Variants in NMNAT2 observed in about 807,000 individuals in gnomAD.
NMNAT2 encodes nicotinamide/nicotinic acid mononucleotide adenylyltransferase 2.
NMNAT2 carries 11 observed loss-of-function variants against 41.6 expected under a neutral mutation model. The ratio of observed to expected loss-of-function variants is 0.26; its 90% CI spans 0.17 to 0.44. The LOEUF (loss-of-function observed/expected upper bound fraction) is 0.44. Among genes scored for constraint, NMNAT2 ranks in the 20% least tolerant of loss-of-function variants. The probability of loss-of-function intolerance (pLI) is 1.00; values close to 1 mark genes in which losing one functional copy is unlikely to be tolerated. For synonymous variants in NMNAT2, 148 were observed against 151.2 expected (o/e 0.98, Z 0.16); for missense variants, 288 against 407.7 (o/e 0.71, Z 2.53).
chr1:183,412,142 G>A (rs74613741), intron 1 of NMNAT2, among the ~76,000 whole-genome samples: 1,827 of 152,338 alleles, frequency 0.012, 14 homozygotes, highest in Non-Finnish European at 0.02. Context: ...ACAGAGATAC[G>A]GAGCTCTGGA....
chr1:183,313,984 C>A (rs1662186528), intron 1 of NMNAT2, among the ~76,000 whole-genome samples: 2 of 152,148 alleles, frequency 1.3e-5, no homozygotes, highest in African/African-American at 4.8e-5. Context: ...AACAGGGTGG[C>A]TTTTGCTGAG....
chr1:183,345,009 TC>T (rs1214263963), intron 1 of NMNAT2, among the ~76,000 whole-genome samples: 3 of 152,146 alleles, frequency 2.0e-5, no homozygotes, highest in Non-Finnish European at 4.4e-5. Context: ...TCATCTCCAA[TC>T]CCAACTGCTC....
rs576392350 is a variant in NMNAT2 at position 183,268,881 on chromosome 1, C to T, written c.652-7578G>A. Among the ~76,000 whole-genome samples the T allele has an allele frequency of 2.0e-5, 3 of 152,212 alleles. No individual in the cohort carries two copies. In the South Asian group the frequency reaches 6.2e-4, roughly 32 times the overall value. On this transcript the variant is annotated intron_variant, in intron 8 of 10. Transcript: ENST00000287713. ...ACATGGTGGTAAGACCTCATCTCTA[C>T]AAAAACAAATTTTATTTTAAATTAG...
chr1:183,254,985 TTG>T (rs1660480554), intron 10 of NMNAT2, among the ~76,000 whole-genome samples: 1 of 152,230 alleles, frequency 6.6e-6, no homozygotes, highest in Admixed American at 6.5e-5. Context: ...CAAGACATAA[TTG>T]CCAAGACCAA....
intron 1 of NMNAT2, among the ~76,000 whole-genome samples, chr1:183,377,514 G>A (rs1469866943): frequency 2.0e-5 from 3 of 152,202 alleles, no homozygotes; most frequent in Middle Eastern, 3.4e-3. Flanking sequence ...ACAAGTTACC[G>A]TTAAAGGAAT....
rs116689313 is a variant in NMNAT2 at position 183,406,071 on chromosome 1, T to A, written c.85+12112A>T. Among the ~76,000 whole-genome samples, 509 of 152,348 alleles carry A rather than the reference T, an allele frequency of 3.3e-3. 4 individuals carry two copies. The highest frequency in any genetic ancestry group is 0.012 in the African/African-American group (488 of 41,560). ...AGTAGCTATAGCTTACCTAACTTGATTCATTTAGAAAAAGAGAGAGACAGT... is the reference window on the plus strand; with the variant it reads ...AGTAGCTATAGCTTACCTAACTTGAATCATTTAGAAAAAGAGAGAGACAGT... On this transcript the variant is annotated intron_variant, in intron 1 of 10. Transcript: ENST00000287713.
chr1:183,389,052 G>A (rs1016639751), intron 1 of NMNAT2, among the ~76,000 whole-genome samples: 6 of 152,148 alleles, frequency 3.9e-5, no homozygotes, highest in East Asian at 1.9e-4. Flanking sequence ...GGAGGAGAGC[G>A]TCAGCCTTAC....
chr1:183,261,624 G>A (rs1208842588), intron 8 of NMNAT2, among the ~76,000 whole-genome samples: 1 of 152,212 alleles, frequency 6.6e-6, no homozygotes, highest in African/African-American at 2.4e-5. Context: ...CAATGCTGCA[G>A]AATCACATGA....
chr1:183,381,129 A>C (rs1663794828), intron 1 of NMNAT2, among the ~76,000 whole-genome samples: 1 of 152,140 alleles, frequency 6.6e-6, no homozygotes, highest in African/African-American at 2.4e-5. Flanking sequence ...GGAAGGGTCA[A>C]AGGATGGTTG....
chr1:183,389,963 T>C (rs1648422960), intron 1 of NMNAT2, among the ~76,000 whole-genome samples: 1 of 150,956 alleles, frequency 6.6e-6, no homozygotes, highest in East Asian at 2.0e-4. Context: ...AAGTAAACTC[T>C]TAACTATCTA....
intron 1 of NMNAT2, among the ~76,000 whole-genome samples, chr1:183,369,072 G>T (rs673593): frequency 0.44 from 67,030 of 151,844 alleles, 15,382 homozygotes; most frequent in East Asian, 0.67. Context: ...CAGCAGGTGT[G>T]CACTACGCAG....
At chr1:183,296,234 T>G (rs1661693474) in intron 1 of NMNAT2, among the ~76,000 whole-genome samples, 1 of 152,220 alleles carries the variant, frequency 6.6e-6, no homozygotes, top group Non-Finnish European at 1.5e-5. Context: ...AAAGAACATC[T>G]TTGCTGCTTC....
At chr1:183,269,295 A>C (rs566317611) in intron 8 of NMNAT2, among the ~76,000 whole-genome samples, 127 of 152,352 alleles carry the variant, frequency 8.3e-4, no homozygotes, top group Middle Eastern at 3.4e-3. Flanking sequence ...CGGTTGGAAA[A>C]GTAGACAAGT....
intron 1 of NMNAT2, among the ~76,000 whole-genome samples, chr1:183,379,853 C>T (rs747169446): frequency 6.6e-5 from 10 of 152,190 alleles, no homozygotes; most frequent in Non-Finnish European, 1.5e-4. Context: ...CAAGGGATTG[C>T]TTGAAAGATA....
At chr1:183,393,336 C>T (rs184274387) in intron 1 of NMNAT2, among the ~76,000 whole-genome samples, 2 of 152,270 alleles carry the variant, frequency 1.3e-5, no homozygotes, top group African/African-American at 4.8e-5. Context: ...TCCCATTTTA[C>T]AGATGAGGAT....
chr1:183,386,890 G>T (rs1370287201), intron 1 of NMNAT2, among the ~76,000 whole-genome samples: 1 of 152,022 alleles, frequency 6.6e-6, no homozygotes. Context: ...ATTATACAGA[G>T]ATGCAAGAAG....
intron 1 of NMNAT2, among the ~76,000 whole-genome samples, chr1:183,384,253 A>T (rs59227235): frequency 1.1e-4 from 17 of 152,042 alleles, no homozygotes; most frequent in Non-Finnish European, 2.1e-4. Flanking sequence ...CAGGATGGAG[A>T]GCAGTGGCAC....
intron 1 of NMNAT2, among the ~76,000 whole-genome samples, chr1:183,339,121 G>A (rs1662739446): frequency 6.6e-6 from 1 of 151,882 alleles, no homozygotes; most frequent in African/African-American, 2.4e-5. Flanking sequence ...TTTTTGAGAT[G>A]GAGTCTCGCT....
intron 1 of NMNAT2, among the ~76,000 whole-genome samples, chr1:183,413,679 T>C (rs1017809811): frequency 1.4e-4 from 19 of 138,520 alleles, no homozygotes; most frequent in Non-Finnish European, 2.6e-4. Context: ...CGATCTCGGC[T>C]CACTGCAAGC....
Sources: allele counts gnomAD v4.1 joint callset (sites outside exome capture counted in the v4.1 genomes callset), GRCh38; gene constraint gnomAD v4.1.1; transcripts MANE v1.5; gene names NCBI Gene and HGNC (gene_info 2026-07-23, HGNC 2026-07-21).